The following ZNRF2 variants were observed in gnomAD, a reference collection of about 807,000 sequenced individuals.
ZNRF2 encodes E3 ubiquitin-protein ligase ZNRF2.
A neutral mutation model predicts 20.4 loss-of-function variants in ZNRF2; 16 were observed. The observed-to-expected ratio is 0.79, with a 90% CI of 0.53 to 1.19. ZNRF2 has a LOEUF of 1.19. ZNRF2 is among the 50% of genes most tolerant of loss of function. The pLI is 0.00. For synonymous variants in ZNRF2, 178 were observed against 144.9 expected, an observed-to-expected ratio of 1.23 and a Z score of -1.64; for missense variants, 363 against 332.4, an observed-to-expected ratio of 1.09 and a Z score of -0.72.
At chr7:30,316,912 T>C (rs1013557068) in intron 1 of ZNRF2, among the ~76,000 whole-genome samples, 1 of 152,232 alleles carries the variant, frequency 6.6e-6, no homozygotes, top group African/African-American at 2.4e-5. Flanking sequence ...AGTTCATCTT[T>C]TCAGTTTAGA....
chr7:30,332,602 T>G (rs1398538661), intron 2 of ZNRF2, among the ~76,000 whole-genome samples: 3 of 152,208 alleles, frequency 2.0e-5, no homozygotes, highest in Admixed American at 6.5e-5. Flanking sequence ...TTAGCTCACA[T>G]TTATAAGTGA....
intron 1 of ZNRF2, among the ~76,000 whole-genome samples, chr7:30,295,058 T>A (rs764026421): frequency 0.027 from 1,950 of 72,496 alleles, 3 homozygotes; most frequent in African/African-American, 0.057. Context: ...AGAGTGTGTG[T>A]GTGTGTGTGT....
intron 2 of ZNRF2, among the ~76,000 whole-genome samples, chr7:30,331,648 A>G (rs1799636784): frequency 6.6e-6 from 1 of 152,224 alleles, no homozygotes; most frequent in African/African-American, 2.4e-5. Flanking sequence ...TTGAAGGGAA[A>G]TGCTGGAGAA....
chr7:30,310,376 T>G (rs997135317), intron 1 of ZNRF2, among the ~76,000 whole-genome samples: 1 of 152,232 alleles, frequency 6.6e-6, no homozygotes, highest in Non-Finnish European at 1.5e-5. Context: ...TTTTGAACAG[T>G]TCTTAAAGAC....
intron 1 of ZNRF2, 63 bp downstream of exon 1, chr7:30,285,889 G>T (rs1273749089): frequency 1.5e-6 from 2 of 1,371,232 alleles, no homozygotes. Flanking sequence ...GGCCGTGGCC[G>T]CCGGCTATTT....
At chr7:30,363,813 A>T (rs558618914) in intron 4 of ZNRF2, among the ~76,000 whole-genome samples, 1 of 152,280 alleles carries the variant, frequency 6.6e-6, no homozygotes, top group African/African-American at 2.4e-5. Context: ...AGCTTTGAAA[A>T]AATAAAGGTT....
intron 2 of ZNRF2, among the ~76,000 whole-genome samples, chr7:30,324,662 C>T (rs750678670): frequency 1.3e-5 from 2 of 152,152 alleles, no homozygotes; most frequent in Non-Finnish European, 2.9e-5. Flanking sequence ...GGCTCTTCCA[C>T]TTCTCCTACT....
intron 1 of ZNRF2, among the ~76,000 whole-genome samples, chr7:30,293,110 G>T (rs1021520795): frequency 4.6e-5 from 7 of 151,608 alleles, no homozygotes; most frequent in African/African-American, 1.7e-4. Flanking sequence ...GAGCCACCTG[G>T]ATTAGATGTG....
chr7:30,353,124 A>T (rs967097801), intron 2 of ZNRF2, among the ~76,000 whole-genome samples: 2 of 152,142 alleles, frequency 1.3e-5, no homozygotes, highest in Non-Finnish European at 2.9e-5. Flanking sequence ...AGACTTTAAA[A>T]TGTGAAAATT....
At chr7:30,298,122 G>A (rs971291654) in intron 1 of ZNRF2, among the ~76,000 whole-genome samples, 1 of 151,996 alleles carries the variant, frequency 6.6e-6, no homozygotes, top group African/African-American at 2.4e-5. Context: ...TAAAATTTCT[G>A]AGGTCTTTAA....
At chr7:30,334,064 T>C (rs1799680682) in intron 2 of ZNRF2, among the ~76,000 whole-genome samples, 1 of 152,180 alleles carries the variant, frequency 6.6e-6, no homozygotes, top group Admixed American at 6.5e-5. Context: ...AAGTTTTTTT[T>C]GTCTAGGCCA....
intron 3 of ZNRF2, among the ~76,000 whole-genome samples, chr7:30,358,473 T>C (rs564814188): frequency 1.3e-5 from 2 of 152,322 alleles, no homozygotes; most frequent in East Asian, 3.9e-4. Flanking sequence ...GTCATAATGA[T>C]GTCATTTTAC....
intron 2 of ZNRF2, among the ~76,000 whole-genome samples, chr7:30,339,536 C>T (rs1264273105): frequency 1.3e-5 from 2 of 152,148 alleles, no homozygotes; most frequent in Admixed American, 6.5e-5. Flanking sequence ...TTCCCCATTG[C>T]TTGTTTTTGT....
At chr7:30,306,084 A>G (rs547359701) in intron 1 of ZNRF2, among the ~76,000 whole-genome samples, 1 of 152,142 alleles carries the variant, frequency 6.6e-6, no homozygotes, top group Non-Finnish European at 1.5e-5. Context: ...TAGCTACTTC[A>G]TATAGTGGTT....
chr7:30,365,412 C>T (rs1800197605), intron 4 of ZNRF2, among the ~76,000 whole-genome samples: 1 of 151,864 alleles, frequency 6.6e-6, no homozygotes, highest in Admixed American at 6.6e-5. Context: ...ACTACATGGG[C>T]AGGGTGAACT....
intron 3 of ZNRF2, among the ~76,000 whole-genome samples, chr7:30,359,373 A>G (rs1800089950): frequency 6.6e-6 from 1 of 152,216 alleles, no homozygotes; most frequent in African/African-American, 2.4e-5. Context: ...TTCAACACAC[A>G]TAATAAAAGA....
intron 1 of ZNRF2, among the ~76,000 whole-genome samples, chr7:30,300,885 GTT>G (rs966317361): frequency 6.6e-6 from 1 of 151,932 alleles, no homozygotes; most frequent in Non-Finnish European, 1.5e-5. Flanking sequence ...TTTCTTTTTT[GTT>G]TTCATATTTA....
intron 1 of ZNRF2, among the ~76,000 whole-genome samples, chr7:30,288,524 G>A (rs1798838910): frequency 6.6e-6 from 1 of 152,066 alleles, no homozygotes; most frequent in Non-Finnish European, 1.5e-5. Flanking sequence ...ATAATGAATT[G>A]CCACATTGAA....
At chr7:30,299,019 T>C (rs1206547617) in intron 1 of ZNRF2, among the ~76,000 whole-genome samples, 1 of 152,264 alleles carries the variant, frequency 6.6e-6, no homozygotes, top group Non-Finnish European at 1.5e-5. Context: ...ATTACATTTT[T>C]ATCATTTTAG....
Sources: allele counts gnomAD v4.1 joint callset (sites outside exome capture counted in the v4.1 genomes callset), GRCh38; gene constraint gnomAD v4.1.1; transcripts MANE v1.5; gene names NCBI Gene and HGNC (gene_info 2026-07-23, HGNC 2026-07-21).